The following BMPR1B variants were observed in gnomAD, a reference collection of about 807,000 sequenced individuals.
The protein encoded by BMPR1B is bone morphogenetic protein receptor type-1B.
In BMPR1B, 12 loss-of-function variants were observed where a neutral mutation model predicts 59.1. The observed-to-expected ratio is 0.20, with a 90% CI of 0.13 to 0.33. BMPR1B has a LOEUF of 0.33. Among genes scored for constraint, BMPR1B ranks in the 10% least tolerant of loss-of-function variants. BMPR1B has a pLI of 1.00. For missense variants in BMPR1B, 550 were observed against 610.9 expected (o/e 0.90, Z 1.05); for synonymous variants, 237 against 207.3 (o/e 1.14, Z -1.23).
chr4:95,079,128 G>C lies in BMPR1B; in HGVS notation c.-17-25280G>C, dbSNP rs530908736. Among the ~76,000 whole-genome samples the C allele has an allele frequency of 3.3e-5, 5 of 152,252 alleles. No individual in the cohort carries two copies. The East Asian group carries it at 9.6e-4, about 29-fold the overall frequency. Reference sequence around the variant, plus strand: ...GGGGAAATGTTAGAAAAACCCAGCTGTATTTTCCCCTTTCATTTTCAATTT... The same window carrying C: ...GGGGAAATGTTAGAAAAACCCAGCTCTATTTTCCCCTTTCATTTTCAATTT... On this transcript the variant is annotated intron_variant, in intron 3 of 12. Coordinates refer to ENST00000515059, the MANE Select transcript of BMPR1B (RefSeq NM_001203.3).
At chr4:94,804,397 A>G (rs939640531) in intron 1 of BMPR1B, among the ~76,000 whole-genome samples, 25 of 152,246 alleles carry the variant, frequency 1.6e-4, no homozygotes, top group African/African-American at 5.5e-4. Flanking sequence ...GGAAAAGAGG[A>G]TCTGTTAAAT....
chr4:94,920,417 C>T (rs1728644043), intron 2 of BMPR1B, among the ~76,000 whole-genome samples: 1 of 151,920 alleles, frequency 6.6e-6, no homozygotes, highest in African/African-American at 2.4e-5. Context: ...AAAAGAAGTC[C>T]CCGGTTTCCA....
intron 2 of BMPR1B, among the ~76,000 whole-genome samples, chr4:94,902,063 G>GTGTGTGTGTGTGTT (rs1727832251): frequency 8.0e-5 from 9 of 112,908 alleles, no homozygotes; most frequent in African/African-American, 1.9e-4. Flanking sequence ...GTGTGTGTGT[G>GTGTGTGTGTGTGTT]TGTGTGTGTG....
Position 94,863,019 on chromosome 4 carries a change from G to A in BMPR1B, c.-182-12812G>A, listed in dbSNP as rs551381325. ...TGTAATCCCAGGTACTTGAGAGGCTGAGGCGGAAGAATCGCTTGACCTGGA... is the reference window on the plus strand; with the variant it reads ...TGTAATCCCAGGTACTTGAGAGGCTAAGGCGGAAGAATCGCTTGACCTGGA... On this transcript the variant is annotated intron_variant, in intron 1 of 12. Coordinates refer to ENST00000515059, the MANE Select transcript of BMPR1B (RefSeq NM_001203.3). Among the ~76,000 whole-genome samples, 208 of 151,548 alleles carry A rather than the reference G, an allele frequency of 1.4e-3. 2 individuals carry two copies. The highest frequency in any genetic ancestry group is 2.1e-3 in the Non-Finnish European group (141 of 67,918).
intron 3 of BMPR1B, among the ~76,000 whole-genome samples, chr4:95,066,367 C>A (rs868601615): frequency 7.8e-6 from 1 of 128,528 alleles, no homozygotes; most frequent in Non-Finnish European, 1.8e-5. Context: ...CACTCAGGGC[C>A]ATGGCCATTA....
intron 3 of BMPR1B, among the ~76,000 whole-genome samples, chr4:95,061,842 A>G (rs1213027550): frequency 2.0e-5 from 3 of 152,152 alleles, no homozygotes; most frequent in Non-Finnish European, 4.4e-5. Context: ...ATGAATTGTA[A>G]TTCCCAATGT....
chr4:94,932,843 T>C (rs1337371992), intron 2 of BMPR1B, among the ~76,000 whole-genome samples: 1 of 152,188 alleles, frequency 6.6e-6, no homozygotes, highest in Non-Finnish European at 1.5e-5. Flanking sequence ...CTGACGGTTA[T>C]ATCAACTGTT....
chr4:95,121,352 T>C lies in BMPR1B; in HGVS notation c.350-2458T>C, dbSNP rs576189015. 6.6e-5 allele frequency among the ~76,000 whole-genome samples: 10 copies of C among 152,322 alleles called. No individual in the cohort carries two copies. In the South Asian group the frequency reaches 1.7e-3, roughly 25 times the overall value. The stretch of plus-strand genomic sequence containing the variant: ...GTTCAGTTTATGTGTTCATGATAAT[T>C]TCCTAGATGTTTTGATCTGGGCATG... On this transcript the variant is annotated intron_variant, in intron 6 of 12. Coordinates refer to ENST00000515059, the MANE Select transcript of BMPR1B (RefSeq NM_001203.3).
chr4:94,831,245 A>ACAAAAC (rs1553910336), intron 1 of BMPR1B, among the ~76,000 whole-genome samples: 64 of 151,620 alleles, frequency 4.2e-4, no homozygotes, highest in African/African-American at 1.4e-3. Flanking sequence ...AAAAAAAAAA[A>ACAAAAC]AAAAAACGTA....
At chr4:94,947,309 A>G (rs1387318381) in intron 2 of BMPR1B, among the ~76,000 whole-genome samples, 2 of 152,222 alleles carry the variant, frequency 1.3e-5, no homozygotes. Context: ...AGGTGTAACT[A>G]TTAGATTGGC....
At chr4:94,957,333 G>GTTTTTTT (rs56341742) in intron 2 of BMPR1B, among the ~76,000 whole-genome samples, 62 of 65,662 alleles carry the variant, frequency 9.4e-4, no homozygotes, top group South Asian at 1.4e-3. Flanking sequence ...CCTGTTTCGT[G>GTTTTTTT]TTTTTTTTTT....
At chr4:95,000,763 C>T (rs974222259) in intron 3 of BMPR1B, among the ~76,000 whole-genome samples, 1 of 152,028 alleles carries the variant, frequency 6.6e-6, no homozygotes, top group Admixed American at 6.6e-5. Context: ...AGCAAAAACA[C>T]TACCAGCAGC....
intron 1 of BMPR1B, among the ~76,000 whole-genome samples, chr4:94,804,798 C>T (rs979266335): frequency 6.6e-6 from 1 of 152,026 alleles, no homozygotes; most frequent in Non-Finnish European, 1.5e-5. Flanking sequence ...AAGCAGTCGG[C>T]CTTTTGTTAG....
chr4:94,978,991 G>T (rs974140813), intron 2 of BMPR1B, among the ~76,000 whole-genome samples: 2 of 151,024 alleles, frequency 1.3e-5, no homozygotes, highest in Non-Finnish European at 2.9e-5. Flanking sequence ...AAAGGTAAGA[G>T]TAGAAGTTGT....
chr4:94,806,905 A>G (rs1432265806), intron 1 of BMPR1B, among the ~76,000 whole-genome samples: 1 of 152,100 alleles, frequency 6.6e-6, no homozygotes, highest in East Asian at 1.9e-4. Flanking sequence ...ATTTTACATT[A>G]TTAGCAGTTG....
chr4:94,977,545 A>G (rs973425429), intron 2 of BMPR1B, among the ~76,000 whole-genome samples: 7 of 145,330 alleles, frequency 4.8e-5, no homozygotes, highest in Admixed American at 1.4e-4. Flanking sequence ...AAACTCATCT[A>G]TCTCTGTCCA....
chr4:94,947,880 C>T (rs968975998), intron 2 of BMPR1B, among the ~76,000 whole-genome samples: 9 of 152,210 alleles, frequency 5.9e-5, no homozygotes, highest in African/African-American at 1.9e-4. Context: ...TAGCAAGTTT[C>T]ACTTTTTTCT....
At chr4:94,877,507 T>C (rs1348295342) in intron 2 of BMPR1B, among the ~76,000 whole-genome samples, 1 of 152,236 alleles carries the variant, frequency 6.6e-6, no homozygotes, top group Non-Finnish European at 1.5e-5. Flanking sequence ...CCACTGCCTG[T>C]GCACTAGGCT....
rs1213052181 is a variant in BMPR1B at position 94,839,849 on chromosome 4, C to G, written c.-182-35982C>G. Among the ~76,000 whole-genome samples, 6 of 150,390 alleles carry G rather than the reference C, an allele frequency of 4.0e-5. No homozygotes were observed. In the East Asian group the frequency reaches 7.7e-4, roughly 19 times the overall value. On this transcript the variant is annotated intron_variant, in intron 1 of 12. Transcript: ENST00000515059. ...GCTCGTTAGTTGATGCAGTTTCTTC[C>G]TAGTCTCAATGGTCTTTACATTTTG...
Sources: allele counts gnomAD v4.1 joint callset (sites outside exome capture counted in the v4.1 genomes callset), GRCh38; gene constraint gnomAD v4.1.1; transcripts MANE v1.5; gene names NCBI Gene and HGNC (gene_info 2026-07-23, HGNC 2026-07-21).